Variants in EXT1 observed in about 807,000 individuals in gnomAD.
EXT1 encodes exostosin-1.
Under a neutral mutation model 82.5 loss-of-function variants are expected in EXT1, and 20 were observed. That is an observed-to-expected ratio of 0.24 (90% CI 0.17 to 0.35). EXT1 has a LOEUF of 0.35. Among genes scored for constraint, EXT1 ranks in the 10% least tolerant of loss-of-function variants. The pLI, the probability that EXT1 is intolerant of heterozygous loss-of-function variation, is 1.00. For missense variants in EXT1, 757 were observed against 936.5 expected (o/e 0.81, Z 2.50); for synonymous variants, 348 against 350.8 (o/e 0.99, Z 0.09).
intron 1 of EXT1, among the ~76,000 whole-genome samples, chr8:117,974,428 G>A (rs1478900206): frequency 6.6e-6 from 1 of 152,130 alleles, no homozygotes; most frequent in African/African-American, 2.4e-5. Context: ...CTGCTTTACA[G>A]TGAGGTCAAA....
intron 1 of EXT1, among the ~76,000 whole-genome samples, chr8:118,063,988 G>A (rs145700587): frequency 4.6e-5 from 7 of 151,916 alleles, no homozygotes; most frequent in Middle Eastern, 3.4e-3. Flanking sequence ...TGCCTCAGCC[G>A]CCCGAGTAGG....
chr8:117,852,523 T>C (rs1029145991), intron 1 of EXT1, among the ~76,000 whole-genome samples: 5 of 152,158 alleles, frequency 3.3e-5, no homozygotes, highest in African/African-American at 4.8e-5. Context: ...CAATGGAACA[T>C]AGAAACTTCA....
intron 1 of EXT1, among the ~76,000 whole-genome samples, chr8:117,935,049 G>A (rs983366309): frequency 1.3e-5 from 2 of 152,094 alleles, no homozygotes; most frequent in African/African-American, 4.8e-5. Context: ...AATCCATTCT[G>A]TTACTTACTA....
chr8:117,822,611 C>T lies in EXT1; in HGVS notation c.1285-14G>A. On this transcript the variant is annotated splice_polypyrimidine_tract_variant and intron_variant, in intron 4 of 10. Coordinates refer to ENST00000378204, the MANE Select transcript of EXT1 (RefSeq NM_000127.3). ...GTCCTGAATAATCTAGAAAATAAAA[C>T]ATAGCACACAGTGAGGATGAGATCC... 6.2e-7 allele frequency: 1 copy of T among 1,611,282 alleles called. No homozygotes were observed. The highest frequency in any genetic ancestry group is 8.5e-7 in the Non-Finnish European group (1 of 1,179,378).
intron 1 of EXT1, among the ~76,000 whole-genome samples, chr8:117,907,770 A>G (rs550275988): frequency 6.6e-6 from 1 of 152,348 alleles, no homozygotes; most frequent in East Asian, 1.9e-4. Context: ...ATTTAAAAAA[A>G]AAATTAATGG....
chr8:117,820,271 C>T (rs1811901038), intron 5 of EXT1, among the ~76,000 whole-genome samples: 1 of 152,194 alleles, frequency 6.6e-6, no homozygotes, highest in Non-Finnish European at 1.5e-5. Flanking sequence ...CTGTCTAGGT[C>T]TGAATCCCAG....
intron 1 of EXT1, among the ~76,000 whole-genome samples, chr8:117,894,367 C>G (rs1813299517): frequency 6.6e-6 from 1 of 152,096 alleles, no homozygotes; most frequent in Non-Finnish European, 1.5e-5. Flanking sequence ...GAATATTTCC[C>G]TCCATGCTGG....
chr8:117,971,203 C>T (rs1389513887), intron 1 of EXT1, among the ~76,000 whole-genome samples: 1 of 152,108 alleles, frequency 6.6e-6, no homozygotes, highest in African/African-American at 2.4e-5. Context: ...CTGCAACCAC[C>T]TGCACTCATT....
intron 1 of EXT1, among the ~76,000 whole-genome samples, chr8:117,878,960 C>T (rs929069393): frequency 3.9e-5 from 6 of 152,300 alleles, no homozygotes; most frequent in Non-Finnish European, 7.4e-5. Flanking sequence ...GCCTCTGAGA[C>T]GTTACTGTTT....
At chr8:117,989,520 T>G (rs1815391877) in intron 1 of EXT1, among the ~76,000 whole-genome samples, 1 of 152,204 alleles carries the variant, frequency 6.6e-6, no homozygotes, top group African/African-American at 2.4e-5. Context: ...TCTTTTAAAC[T>G]GACCAACTCC....
chr8:118,063,606 C>T (rs1257918760), intron 1 of EXT1, among the ~76,000 whole-genome samples: 1 of 152,208 alleles, frequency 6.6e-6, no homozygotes, highest in East Asian at 1.9e-4. Context: ...CTTCAGTTCT[C>T]TGTGAGAATA....
intron 1 of EXT1, among the ~76,000 whole-genome samples, chr8:117,855,400 T>C (rs1312062333): frequency 3.3e-5 from 5 of 152,210 alleles, no homozygotes; most frequent in African/African-American, 1.2e-4. Context: ...AAACTTTTAT[T>C]GTTATTGTAT....
At chr8:117,857,577 G>A (rs1414009471) in intron 1 of EXT1, among the ~76,000 whole-genome samples, 1 of 151,302 alleles carries the variant, frequency 6.6e-6, no homozygotes, top group Non-Finnish European at 1.5e-5. Context: ...GCATGCCCCT[G>A]TAGTCCCAGA....
intron 1 of EXT1, among the ~76,000 whole-genome samples, chr8:117,905,938 G>A (rs1003185643): frequency 2.0e-5 from 3 of 152,126 alleles, no homozygotes; most frequent in Non-Finnish European, 4.4e-5. Context: ...AAGCCCCTCC[G>A]CTTGCTGATG....
intron 1 of EXT1, among the ~76,000 whole-genome samples, chr8:117,935,703 T>C (rs1378422818): frequency 6.6e-6 from 1 of 152,082 alleles, no homozygotes; most frequent in African/African-American, 2.4e-5. Flanking sequence ...GCATCCAAAC[T>C]CAACTTTCTT....
At chr8:117,860,527 T>C (rs932327002) in intron 1 of EXT1, among the ~76,000 whole-genome samples, 1 of 152,244 alleles carries the variant, frequency 6.6e-6, no homozygotes, top group African/African-American at 2.4e-5. Flanking sequence ...TGATTCAGTA[T>C]GTCCTTTGTA....
intron 1 of EXT1, among the ~76,000 whole-genome samples, chr8:117,948,320 CAAAAA>C (rs34394392): frequency 1.3e-4 from 7 of 51,926 alleles, no homozygotes; most frequent in African/African-American, 2.9e-4. Flanking sequence ...CTGCCCTTGC[CAAAAA>C]AAAAAAAAAA....
chr8:117,887,601 T>G (rs943502027), intron 1 of EXT1, among the ~76,000 whole-genome samples: 2 of 152,026 alleles, frequency 1.3e-5, no homozygotes, highest in Non-Finnish European at 2.9e-5. Flanking sequence ...CTGCCCAGCT[T>G]GGTCTCCCAA....
intron 1 of EXT1, among the ~76,000 whole-genome samples, chr8:117,989,367 C>A (rs921872075): frequency 1.3e-5 from 2 of 152,102 alleles, no homozygotes; most frequent in Non-Finnish European, 2.9e-5. Flanking sequence ...CTGCCCCCCA[C>A]TATTTGTGTT....
Sources: allele counts gnomAD v4.1 joint callset (sites outside exome capture counted in the v4.1 genomes callset), GRCh38; gene constraint gnomAD v4.1.1; transcripts MANE v1.5; gene names NCBI Gene and HGNC (gene_info 2026-07-23, HGNC 2026-07-21).